SRP19: variants seen among roughly 807,000 people sequenced by gnomAD.
SRP19 encodes signal recognition particle 19 kDa protein.
SRP19 carries 11 observed loss-of-function variants against 22.4 expected under a neutral mutation model. The observed-to-expected ratio is 0.49, with a 90% CI of 0.31 to 0.81. SRP19 has a LOEUF of 0.81. Among genes scored for constraint, SRP19 ranks in the 40% least tolerant of loss-of-function variants. The pLI is 0.05. For missense variants in SRP19, 168 were observed against 175.9 expected (o/e 0.96, Z 0.25); for synonymous variants, 61 against 57.6 (o/e 1.06, Z -0.27).
chr5:112,879,055 C>T (rs1303630562), intron 4 of SRP19, among the ~76,000 whole-genome samples: 1 of 152,050 alleles, frequency 6.6e-6, no homozygotes, highest in Non-Finnish European at 1.5e-5. Context: ...GAGCAAAATA[C>T]TTGAAGGTCA....
downstream of SRP19, chr5:112,895,937 T>C (rs1207457668): frequency 6.6e-6 from 1 of 152,224 alleles, no homozygotes; most frequent in South Asian, 2.1e-4. Context: ...CTTGGCACTA[T>C]TAGCACTGAC....
rs898447925 is a variant in SRP19 at position 112,889,730 on chromosome 5, C to G, written c.302-1873C>G. Among the ~76,000 whole-genome samples, 7 of 150,358 alleles carry G rather than the reference C, an allele frequency of 4.7e-5. 1 individual carries two copies. Among genetic ancestry groups the G allele is most frequent in the Admixed American group, 4.6e-4 (7 of 15,076 alleles). On this transcript the variant is annotated intron_variant, in intron 4 of 4. Transcript: ENST00000391338. ...CTAGCCAGGCTTACACCTGTAATCCCAGCACTTTGGGAGGCTGAGGTTGGA... is the reference window on the plus strand; with the variant it reads ...CTAGCCAGGCTTACACCTGTAATCCGAGCACTTTGGGAGGCTGAGGTTGGA...
chr5:112,894,381 C>T (rs1484233666), downstream of SRP19: 2 of 152,198 alleles, frequency 1.3e-5, no homozygotes, highest in Non-Finnish European at 2.9e-5. Flanking sequence ...TCCTAATGTG[C>T]TTAGGATTAT....
At chr5:112,888,320 A>G (rs1768323898) in intron 4 of SRP19, among the ~76,000 whole-genome samples, 1 of 152,240 alleles carries the variant, frequency 6.6e-6, no homozygotes, top group Non-Finnish European at 1.5e-5. Flanking sequence ...TAAAATGCAC[A>G]AATAGCTCAC....
intron 1 of SRP19, 36 bp from the exon 2 acceptor site, chr5:112,862,472 C>T (rs748703066): frequency 1.4e-5 from 22 of 1,591,018 alleles, no homozygotes; most frequent in Non-Finnish European, 1.8e-5. Context: ...CCTCTTACTG[C>T]TCTAGTGATA....
At chr5:112,889,089 T>A (rs954563090) in intron 4 of SRP19, among the ~76,000 whole-genome samples, 2 of 150,924 alleles carry the variant, frequency 1.3e-5, no homozygotes, top group Admixed American at 6.6e-5. Flanking sequence ...CCACCATGAT[T>A]GTGAGGTCTC....
chr5:112,897,266 A>AT (rs1261599769), downstream of SRP19: 2 of 151,818 alleles, frequency 1.3e-5, no homozygotes, highest in Non-Finnish European at 2.9e-5. Context: ...AGACCAATAT[A>AT]TTTGCACATT....
Position 112,866,194 on chromosome 5 carries a change from G to A in SRP19, c.302-1210G>A, listed in dbSNP as rs187073. On this transcript the variant is annotated intron_variant, in intron 4 of 4. Coordinates refer to ENST00000505459, the MANE Select transcript of SRP19 (RefSeq NM_003135.3). ...TGCAATGGCGTGATCTTGGCTCACC[G>A]CAACCTCCGCCTCCCGGGTTCAAGT... 8.0e-4 allele frequency among the ~76,000 whole-genome samples: 119 copies of A among 149,502 alleles called. No individual in the cohort carries two copies. The Middle Eastern group carries it at 0.01, about 13-fold the overall frequency.
intron 4 of SRP19, among the ~76,000 whole-genome samples, chr5:112,884,266 C>T (rs1768163846): frequency 6.6e-6 from 1 of 152,194 alleles, no homozygotes; most frequent in South Asian, 2.1e-4. Context: ...CAACTTCTTC[C>T]ACCTCATCTC....
chr5:112,883,454 C>T lies in SRP19; in HGVS notation c.302-8149C>T, dbSNP rs1351356537. ...TGTTCTTGGCCCCAGGGATACCACA[C>T]GCTCATGGTTTTCTTGCTACCTCAA... On this transcript the variant is annotated intron_variant, in intron 4 of 4. Transcript: ENST00000391338. Among the ~76,000 whole-genome samples, 7 of 152,168 alleles carry T rather than the reference C, an allele frequency of 4.6e-5. No individual in the cohort carries two copies. The East Asian group carries it at 7.7e-4, about 17-fold the overall frequency.
At chr5:112,873,256 T>TG (rs1381171739), downstream of SRP19, among the ~76,000 whole-genome samples, 6 of 147,998 alleles carry the variant, frequency 4.1e-5, no homozygotes, top group Non-Finnish European at 7.4e-5. Context: ...CCTGCTGGTC[T>TG]GATCCTCAGG....
At position 112,867,897 on chromosome 5, in the gene SRP19, T is replaced by C. The variant is rs1236158381; in HGVS notation, c.*360T>C. 1.0e-6 allele frequency: 1 copy of C among 991,662 alleles called. No homozygotes were observed. Among genetic ancestry groups the C allele is most frequent in the African/African-American group, 1.7e-5 (1 of 57,542 alleles). The allele number at this position is 991,662 out of a possible 1,614,324, so 61.4% of individuals were successfully genotyped here. A position where few individuals can be genotyped will look rare whatever the true frequency, so the allele number is the denominator to read the frequency against. The stretch of plus-strand genomic sequence containing the variant: ...CACCTTTTAAGTTAATGAAATAAAA[T>C]TTGAAACTGACTTTTGCAGCTTTTG... On this transcript the variant is annotated 3_prime_UTR_variant, in exon 5 of 5. Coordinates refer to ENST00000505459, the MANE Select transcript of SRP19 (RefSeq NM_003135.3).
intron 4 of SRP19, among the ~76,000 whole-genome samples, chr5:112,882,225 T>C (rs1212501729): frequency 6.6e-6 from 1 of 152,148 alleles, no homozygotes; most frequent in Admixed American, 6.5e-5. Context: ...TTAGTACCAA[T>C]ACTGCAGTCC....
At chr5:112,876,446 G>A (rs1348403636) in intron 4 of SRP19, 2 of 152,156 alleles carry the variant, frequency 1.3e-5, no homozygotes, top group Non-Finnish European at 2.9e-5. Context: ...CACATCTTCA[G>A]GATAGGTGAT....
downstream of SRP19, among the ~76,000 whole-genome samples, chr5:112,870,020 T>G (rs79735802): frequency 6.6e-6 from 1 of 152,146 alleles, no homozygotes; most frequent in Non-Finnish European, 1.5e-5. Flanking sequence ...TATAATAATA[T>G]ACTATAATAA....
At chr5:112,873,945 C>T (rs2150030132), downstream of SRP19, among the ~76,000 whole-genome samples, 1 of 151,502 alleles carries the variant, frequency 6.6e-6, no homozygotes, top group South Asian at 2.1e-4. Flanking sequence ...AAGAAGATCA[C>T]TTGAACCCAG....
chr5:112,879,331 G>T lies in SRP19; in HGVS notation c.302-12272G>T, dbSNP rs1167091833. ...ATCCCTTGATATATGTGTTTGGGGG[G>T]GGGGGCTGGGGGGGCGGTGGGGGAG... On this transcript the variant is annotated intron_variant, in intron 4 of 4. Transcript: ENST00000391338. 1.2e-3 allele frequency among the ~76,000 whole-genome samples: 182 copies of T among 151,298 alleles called. 1 individual carries two copies. Among genetic ancestry groups the T allele is most frequent in the Admixed American group, 1.9e-3 (29 of 15,162 alleles).
chr5:112,880,138 T>C (rs1234489501), intron 4 of SRP19, among the ~76,000 whole-genome samples: 2 of 152,142 alleles, frequency 1.3e-5, no homozygotes, highest in African/African-American at 2.4e-5. Flanking sequence ...TGTCCAGGTG[T>C]GGTGGCTCAT....
intron 4 of SRP19, among the ~76,000 whole-genome samples, chr5:112,875,773 G>A (rs767455413): frequency 4.6e-5 from 7 of 151,188 alleles, no homozygotes; most frequent in Non-Finnish European, 5.9e-5. Context: ...AAAGCCAGGC[G>A]CGGTGGCTCA....
Sources: allele counts gnomAD v4.1 joint callset (sites outside exome capture counted in the v4.1 genomes callset), GRCh38; gene constraint gnomAD v4.1.1; transcripts MANE v1.5; gene names NCBI Gene and HGNC (gene_info 2026-07-23, HGNC 2026-07-21).